MON2: variants seen among roughly 807,000 people sequenced by gnomAD.
MON2 encodes the protein MON2 regulator of endosome-to-Golgi trafficking.
Under a neutral mutation model 208.6 loss-of-function variants are expected in MON2, and 84 were observed. The ratio of observed to expected loss-of-function variants is 0.40; its 90% CI spans 0.34 to 0.48. The LOEUF is 0.48. Among genes scored for constraint, MON2 ranks in the 20% least tolerant of loss-of-function variants. The probability of loss-of-function intolerance (pLI) is 0.59; values close to 1 mark genes in which losing one functional copy is unlikely to be tolerated. For missense variants in MON2, 1,611 were observed against 2,015.4 expected, an observed-to-expected ratio of 0.80 and a Z score of 3.84; for synonymous variants, 660 against 694.0, an observed-to-expected ratio of 0.95 and a Z score of 0.77.
intron 16 of MON2, 53 bp downstream of exon 16, chr12:62,537,759 T>C: frequency 3.0e-6 from 4 of 1,322,722 alleles, no homozygotes; most frequent in Non-Finnish European, 4.3e-6. Context: ...ATATAATTGC[T>C]AACAGTTAGA....
Position 62,596,617 on chromosome 12 carries a change from A to C in MON2, c.*3868A>C, listed in dbSNP as rs1245040441. The stretch of plus-strand genomic sequence containing the variant: ...GTATTTATCTACATTATTAGAGGGA[A>C]TTTTTATTTTAAAAAAATTGTCATT... On this transcript the variant is annotated 3_prime_UTR_variant, in exon 35 of 35. Transcript: ENST00000393630. 4.6e-5 allele frequency: 7 copies of C among 152,200 alleles called. No individual in the cohort carries two copies. 9.4% of individuals were successfully genotyped at this position (152,200 alleles called of 1,614,324 possible).
rs111922268 is a variant in MON2, at chr12:62,519,009, C to T, written c.985-5506C>T. On this transcript the variant is annotated intron_variant, in intron 8 of 34. Transcript: ENST00000393630. ...TTCTCTGTATTTTCTTTATTTAAACCTGGAAATGGTACATCTCCTAGAAGA... is the reference window on the plus strand; with the variant it reads ...TTCTCTGTATTTTCTTTATTTAAACTTGGAAATGGTACATCTCCTAGAAGA... 4.7e-3 allele frequency among the ~76,000 whole-genome samples: 719 copies of T among 152,234 alleles called. 7 individuals carry two copies. Among genetic ancestry groups the T allele is most frequent in the African/African-American group, 0.016 (664 of 41,534 alleles).
rs2173447 is a variant in MON2, at chr12:62,495,290, C to T, written c.435+143C>T. ...GATGATTGACATTGCATGTTAATAA[C>T]TGTTGGTACCTTATTTTTTCCAGGT... On this transcript the variant is annotated intron_variant, in intron 4 of 34. Transcript: ENST00000393630. 6,861 of 674,310 alleles carry T rather than the reference C, an allele frequency of 0.01. 361 individuals are homozygous for T. In the African/African-American group the frequency reaches 0.11, roughly 11 times the overall value. The allele number at this position is 674,310 out of a possible 1,614,324, so 41.8% of individuals were successfully genotyped here.
At position 62,525,881 on chromosome 12, in the gene MON2, G is replaced by T. The variant is rs916329140; in HGVS notation, c.1247-68G>T. ...TTTTTTAAAGATTGGCCAGGTGTTT[G>T]ACTATTACTGATTTGTAGTCAAGTA... On this transcript the variant is annotated intron_variant, in intron 10 of 34. Coordinates refer to ENST00000393630, the MANE Select transcript of MON2 (RefSeq NM_015026.3). 1.7e-5 allele frequency: 25 copies of T among 1,476,266 alleles called. No individual in the cohort carries two copies. In the Admixed American group the frequency reaches 4.1e-4, roughly 24 times the overall value. The allele number at this position is 1,476,266 out of a possible 1,614,324, so 91.4% of individuals were successfully genotyped here. A position where few individuals can be genotyped will look rare whatever the true frequency, so the allele number is the denominator to read the frequency against.
intron 24 of MON2, chr12:62,553,500 C>T: frequency 4.9e-6 from 1 of 203,388 alleles, no homozygotes; most frequent in Non-Finnish European, 9.9e-6. Flanking sequence ...GGTAATCAAT[C>T]CCTTACCATA....
intron 23 of MON2, among the ~76,000 whole-genome samples, chr12:62,552,301 A>G (rs569027162): frequency 6.6e-6 from 1 of 152,252 alleles, no homozygotes; most frequent in East Asian, 1.9e-4. Flanking sequence ...CATGTTGCAT[A>G]TATGATTGCA....
At chr12:62,552,847 G>A (rs766499164) in intron 23 of MON2, 34 bp from the exon 24 acceptor site, 2 of 1,552,322 alleles carry the variant, frequency 1.3e-6, no homozygotes, top group African/African-American at 2.7e-5. Context: ...ACAAAACCTT[G>A]GATGAACTAA....
rs771950518 is a variant in MON2, at chr12:62,508,465, G to A, written c.969G>A (p.Gln323=). The change falls in exon 8 of 35, where the codon CAG becomes CAA. Residue 323 remains glutamine, a synonymous_variant. Transcript: ENST00000393630. ...GAGTAGTATCTGTTCTGATTAAGCA[G>A]TTTTACAGTCTTTTGGTAAGTGCTA... is the stretch of plus-strand genomic sequence containing the variant. ...LLRVVSVLIK[Q]FYSLLVTECE... The A allele has an allele frequency of 1.7e-5, 28 of 1,613,688 alleles. 1 individual carries two copies. In the South Asian group the frequency reaches 2.9e-4, roughly 16 times the overall value.
At chr12:62,565,926 T>C (rs2074367635) in intron 27 of MON2, 88 bp from the exon 28 acceptor site, 11 of 1,249,132 alleles carry the variant, frequency 8.8e-6, no homozygotes, top group Middle Eastern at 2.2e-4. Flanking sequence ...AACATAAAAA[T>C]TATAATTTTA....
chr12:62,479,428 A>G (rs371422125), intron 1 of MON2, among the ~76,000 whole-genome samples: 17 of 45,164 alleles, frequency 3.8e-4, no homozygotes, highest in African/African-American at 7.5e-4. Flanking sequence ...GTGTGTGTGT[A>G]TATCCCCCCC....
At position 62,566,323 on chromosome 12, in the gene MON2, C is replaced by A. The variant is rs776062821; in HGVS notation, c.4196C>A (p.Ala1399Glu). ...GCATGTGAAAATATTACTTTCTAGG[C>A]GGAATGGGTAGCCTTGAATTATGTG... ...KYNQIQLFAP[A>E]EWVALNYVPF... The change falls in exon 29 of 35, where the codon GCG becomes GAG. Residue 1399 changes from alanine (A) to glutamate (E), a missense_variant and splice_region_variant. Ala to Glu is a moderately radical substitution (Grantham distance 107). Coordinates refer to ENST00000393630, the MANE Select transcript of MON2 (RefSeq NM_015026.3). 1 of 1,605,270 alleles carries A rather than the reference C, an allele frequency of 6.2e-7. No individual in the cohort carries two copies. The highest frequency in any genetic ancestry group is 8.5e-7 in the Non-Finnish European group (1 of 1,177,412).
intron 29 of MON2, among the ~76,000 whole-genome samples, chr12:62,569,840 A>G (rs2074521124): frequency 1.3e-5 from 2 of 152,194 alleles, no homozygotes; most frequent in Admixed American, 6.5e-5. Context: ...TTATCTGTTA[A>G]TGAAGGCACA....
At chr12:62,533,626 C>T (rs555836489) in intron 12 of MON2, among the ~76,000 whole-genome samples, 12 of 152,266 alleles carry the variant, frequency 7.9e-5, no homozygotes, top group Admixed American at 6.5e-4. Context: ...ATGTTCCAGG[C>T]TGATCTTGGA....
chr12:62,537,343 G>C (rs2073024769), intron 15 of MON2, 80 bp downstream of exon 15: 1 of 981,344 alleles, frequency 1.0e-6, no homozygotes, highest in African/African-American at 1.6e-5. Context: ...TTGCCAAAAT[G>C]TGTCATACAT....
At chr12:62,587,857 A>G (rs571163211) in intron 33 of MON2, 33 of 378,442 alleles carry the variant, frequency 8.7e-5, no homozygotes, top group Non-Finnish European at 1.5e-4. Flanking sequence ...TTGATAAGTC[A>G]TGGCAAGAAT....
intron 1 of MON2, among the ~76,000 whole-genome samples, chr12:62,471,468 G>GCCA (rs2068787551): frequency 6.6e-6 from 1 of 152,196 alleles, no homozygotes; most frequent in South Asian, 2.1e-4. Flanking sequence ...GCAGGCGTGA[G>GCCA]CCACCACACC....
intron 1 of MON2, among the ~76,000 whole-genome samples, chr12:62,471,268 C>T (rs1047351215): frequency 9.2e-5 from 14 of 152,120 alleles, no homozygotes; most frequent in Non-Finnish European, 1.5e-4. Flanking sequence ...CTGCAACCTC[C>T]GCCTCCCAGG....
chr12:62,559,085 C>A (rs1455614082), intron 25 of MON2, among the ~76,000 whole-genome samples: 1 of 152,058 alleles, frequency 6.6e-6, no homozygotes, highest in Non-Finnish European at 1.5e-5. Context: ...CAGATAGTAC[C>A]TATTGTTTTA....
At chr12:62,501,432 G>C (rs907725686) in intron 6 of MON2, 141 bp from the exon 7 acceptor site, 2 of 830,240 alleles carry the variant, frequency 2.4e-6, no homozygotes, top group African/African-American at 3.5e-5. Context: ...TGTCAAAATT[G>C]GAATTACCAG....
Sources: gnomAD v4.1 joint callset for allele counts (sites outside exome capture counted in the v4.1 genomes callset) on GRCh38, gnomAD v4.1.1 for gene constraint, MANE v1.5 for transcripts, NCBI Gene and HGNC (gene_info 2026-07-23, HGNC 2026-07-21) for gene names.